GATAD2A: variants seen among roughly 807,000 people sequenced by gnomAD.
GATAD2A encodes the protein transcriptional repressor p66-alpha.
A neutral mutation model predicts 68.5 loss-of-function variants in GATAD2A; 12 were observed. That is an observed-to-expected ratio of 0.18 (90% CI 0.11 to 0.28). The LOEUF is 0.28. Ranked by LOEUF, GATAD2A falls within the 10% of genes least tolerant of loss-of-function variation. The probability of loss-of-function intolerance (pLI) is 1.00; values close to 1 mark genes in which losing one functional copy is unlikely to be tolerated. For missense variants in GATAD2A, 755 were observed against 868.5 expected (o/e 0.87, Z 1.64); for synonymous variants, 410 against 375.3 (o/e 1.09, Z -1.07).
intron 1 of GATAD2A, among the ~76,000 whole-genome samples, chr19:19,391,167 T>C (rs928673233): frequency 2.6e-5 from 4 of 152,220 alleles, no homozygotes; most frequent in Non-Finnish European, 5.9e-5. Context: ...CTTCACTTAC[T>C]AGTATGGGAA....
chr19:19,464,044 T>G (rs149893258), intron 1 of GATAD2A, among the ~76,000 whole-genome samples: 1 of 152,324 alleles, frequency 6.6e-6, no homozygotes, highest in Non-Finnish European at 1.5e-5. Context: ...CTGTGTTGCC[T>G]TGTGCTGCCC....
intron 1 of GATAD2A, among the ~76,000 whole-genome samples, chr19:19,408,917 C>G (rs1371528799): frequency 6.6e-6 from 1 of 151,884 alleles, no homozygotes; most frequent in Non-Finnish European, 1.5e-5. Context: ...TGCAGTGAGG[C>G]TCACAGCCGG....
At chr19:19,442,748 A>AGG in intron 1 of GATAD2A, among the ~76,000 whole-genome samples, 2 of 151,462 alleles carry the variant, frequency 1.3e-5, no homozygotes, top group Admixed American at 6.6e-5. Flanking sequence ...TAGCCTGAGC[A>AGG]ATGTAGCAGG....
At chr19:19,469,437 A>AAAAAAAAAAG (rs1456365218) in intron 2 of GATAD2A, among the ~76,000 whole-genome samples, 32 of 151,934 alleles carry the variant, frequency 2.1e-4, no homozygotes, top group African/African-American at 5.8e-4. Context: ...ATCTCAAAAA[A>AAAAAAAAAAG]AAAGAAAAAA....
intron 1 of GATAD2A, among the ~76,000 whole-genome samples, chr19:19,458,264 A>G (rs946035319): frequency 6.6e-5 from 10 of 152,126 alleles, no homozygotes; most frequent in Non-Finnish European, 1.3e-4. Flanking sequence ...TGCTTGGCGC[A>G]TGCTGTTCCC....
intron 1 of GATAD2A, among the ~76,000 whole-genome samples, chr19:19,453,112 G>A (rs1324208866): frequency 6.6e-6 from 1 of 152,138 alleles, no homozygotes; most frequent in Non-Finnish European, 1.5e-5. Flanking sequence ...TGCTTGCACT[G>A]TGACTGAAAC....
chr19:19,500,662 C>T (rs1237603067), intron 8 of GATAD2A, among the ~76,000 whole-genome samples: 1 of 152,198 alleles, frequency 6.6e-6, no homozygotes, highest in Non-Finnish European at 1.5e-5. Context: ...GGGTGTGAGT[C>T]CTGCCCTGCC....
intron 1 of GATAD2A, among the ~76,000 whole-genome samples, chr19:19,447,029 G>A (rs2055804536): frequency 6.6e-6 from 1 of 152,234 alleles, no homozygotes; most frequent in Admixed American, 6.5e-5. Flanking sequence ...AAAGCATTGT[G>A]CCTGCATGGG....
At chr19:19,406,409 G>C (rs1160741079) in intron 1 of GATAD2A, among the ~76,000 whole-genome samples, 1 of 151,220 alleles carries the variant, frequency 6.6e-6, no homozygotes, top group Non-Finnish European at 1.5e-5. Context: ...GTCCCGCTCA[G>C]GGGCGGGGGT....
intron 2 of GATAD2A, among the ~76,000 whole-genome samples, chr19:19,484,790 C>T (rs952416311): frequency 2.7e-4 from 41 of 152,242 alleles, no homozygotes; most frequent in African/African-American, 8.4e-4. Flanking sequence ...ACCTCGGCCT[C>T]CCAAAGTGCT....
rs755545888 is a variant in GATAD2A at position 19,498,655 on chromosome 19, C to T, written c.1137C>T (p.Ala379=). Residue 379 remains alanine (A), a synonymous_variant, in exon 8 of 12, where the codon GCC becomes GCT. Coordinates refer to ENST00000683918, the MANE Select transcript of GATAD2A (RefSeq NM_001384528.1). The part of the protein sequence containing the change: ...PAPEMNFLPS[A]ANNEFIYLVG... ...CAGAGATGAACTTCCTGCCCAGCGC[C>T]GCCAACAACGAGTTCATCTACCTGG... is the stretch of plus-strand genomic sequence containing the variant. The T allele has an allele frequency of 1.3e-5, 21 of 1,613,778 alleles. No homozygotes were observed. The highest frequency in any genetic ancestry group is 8.8e-5 in the South Asian group (8 of 91,088).
intron 1 of GATAD2A, among the ~76,000 whole-genome samples, chr19:19,417,892 C>G (rs184623994): frequency 1.3e-5 from 2 of 152,150 alleles, no homozygotes; most frequent in African/African-American, 4.8e-5. Flanking sequence ...CTTCCCTGCT[C>G]GACCAGTGCT....
chr19:19,393,025 G>A (rs1297299289), intron 1 of GATAD2A, among the ~76,000 whole-genome samples: 1 of 152,198 alleles, frequency 6.6e-6, no homozygotes, highest in African/African-American at 2.4e-5. Context: ...CTTATAAGGG[G>A]CCAGGTGCGG....
chr19:19,481,485 C>T (rs933392071), intron 2 of GATAD2A, among the ~76,000 whole-genome samples: 1 of 152,162 alleles, frequency 6.6e-6, no homozygotes, highest in African/African-American at 2.4e-5. Flanking sequence ...TGCTTGCCAC[C>T]ATGCCCAGCT....
intron 2 of GATAD2A, among the ~76,000 whole-genome samples, chr19:19,487,266 A>G (rs2059501208): frequency 6.6e-6 from 1 of 152,168 alleles, no homozygotes; most frequent in South Asian, 2.1e-4. Flanking sequence ...TTGGGAGCTG[A>G]GGCTGTGCCA....
intron 1 of GATAD2A, among the ~76,000 whole-genome samples, chr19:19,414,174 A>G (rs2051296483): frequency 6.6e-6 from 1 of 152,176 alleles, no homozygotes; most frequent in Non-Finnish European, 1.5e-5. Context: ...ATGTAATTGC[A>G]GTCTTATTGT....
At chr19:19,390,058 C>T (rs1329748369) in intron 1 of GATAD2A, among the ~76,000 whole-genome samples, 1 of 152,196 alleles carries the variant, frequency 6.6e-6, no homozygotes, top group Non-Finnish European at 1.5e-5. Flanking sequence ...GCCACTGTGA[C>T]CGACCTATTA....
intron 1 of GATAD2A, among the ~76,000 whole-genome samples, chr19:19,394,880 C>T (rs977792970): frequency 2.6e-5 from 4 of 152,084 alleles, no homozygotes; most frequent in African/African-American, 4.8e-5. Flanking sequence ...GAGAGCAAGG[C>T]GGGATATTCA....
chr19:19,418,352 A>G (rs994980331), intron 1 of GATAD2A, among the ~76,000 whole-genome samples: 2 of 152,218 alleles, frequency 1.3e-5, no homozygotes, highest in African/African-American at 4.8e-5. Flanking sequence ...GCTTTGTGTT[A>G]GGTGAAAGTG....
Sources: allele counts gnomAD v4.1 joint callset (sites outside exome capture counted in the v4.1 genomes callset), GRCh38; gene constraint gnomAD v4.1.1; transcripts MANE v1.5; gene names NCBI Gene and HGNC (gene_info 2026-07-23, HGNC 2026-07-21).